Variants in ADGRG4 observed in about 807,000 individuals in gnomAD.
ADGRG4 encodes the protein G protein-coupled receptor 112.
In ADGRG4, 122 loss-of-function variants were observed where a neutral mutation model predicts 126.2. The ratio of observed to expected loss-of-function variants is 0.97; its 90% CI spans 0.83 to 1.12. ADGRG4 has a LOEUF of 1.12. Among genes scored for constraint, ADGRG4 ranks in the 50% most tolerant of loss-of-function variants. The pLI is 0.00. For missense variants in ADGRG4, 2,481 were observed against 2,251.8 expected (o/e 1.10, Z -2.06); for synonymous variants, 943 against 838.7 (o/e 1.12, Z -2.15).
intron 23 of ADGRG4, among the ~76,000 whole-genome samples, chrX:136,408,126 G>C (rs1251760404): frequency 8.9e-6 from 1 of 112,076 alleles, no homozygotes; most frequent in Non-Finnish European, 1.9e-5. Flanking sequence ...AGGGGCAGGG[G>C]TGTTTTCAAA....
chrX:136,348,866 G>T lies in ADGRG4; in HGVS notation c.5160G>T (p.Gly1720=). ...CTACAACTTTGGGCATATTATCTGG[G>T]ATTACTAACAGGTCCCTATCTACTG... ...DEATTLGILS[G]ITNRSLSTVN... Residue 1720 remains glycine (G), a synonymous_variant, in exon 6 of 26, where the codon GGG becomes GGT. Coordinates refer to ENST00000394143, the MANE Select transcript of ADGRG4 (RefSeq NM_153834.4). 8.3e-7 allele frequency: 1 copy of T among 1,208,493 alleles called. No homozygotes were observed. Among genetic ancestry groups the T allele is most frequent in the African/African-American group, 1.7e-5 (1 of 57,384 alleles).
intron 13 of ADGRG4, among the ~76,000 whole-genome samples, chrX:136,368,244 A>G (rs901758384): frequency 1.7e-4 from 19 of 112,506 alleles, no homozygotes; most frequent in African/African-American, 6.1e-4. Flanking sequence ...AGATAATGTG[A>G]GTACTTTTAT....
intron 6 of ADGRG4, 142 bp from the exon 7 acceptor site, chrX:136,351,305 T>C (rs2075061283): frequency 6.2e-6 from 2 of 321,442 alleles, no homozygotes; most frequent in Non-Finnish European, 1.1e-5. Context: ...TTCTTGACCT[T>C]GGAGTTAAAT....
chrX:136,311,968 A>G (rs1488443816), intron 4 of ADGRG4, among the ~76,000 whole-genome samples: 1 of 111,257 alleles, frequency 9.0e-6, no homozygotes, highest in Non-Finnish European at 1.9e-5. Context: ...AAGTGCTGGG[A>G]TTACAGGCAT....
At chrX:136,338,414 C>T (rs1277110953) in intron 5 of ADGRG4, among the ~76,000 whole-genome samples, 2 of 111,029 alleles carry the variant, frequency 1.8e-5, no homozygotes, top group East Asian at 5.6e-4. Flanking sequence ...TCCCAAAGTG[C>T]TGGGATTACA....
At chrX:136,403,367 C>A (rs2075389549) in intron 22 of ADGRG4, 45 bp downstream of exon 22, 2 of 1,018,510 alleles carry the variant, frequency 2.0e-6, no homozygotes, top group Non-Finnish European at 2.8e-6. Flanking sequence ...GGCTCTGGCC[C>A]AGCAGGGTAT....
chrX:136,318,426 T>A (rs2074818856), intron 4 of ADGRG4, among the ~76,000 whole-genome samples: 1 of 111,927 alleles, frequency 8.9e-6, no homozygotes, highest in African/African-American at 3.2e-5. Flanking sequence ...GTTTCCTTTT[T>A]GGATGATGAA....
intron 17 of ADGRG4, 41 bp downstream of exon 17, chrX:136,392,395 G>A (rs775924506): frequency 9.2e-7 from 1 of 1,081,821 alleles, no homozygotes; most frequent in South Asian, 2.6e-5. Context: ...ATGGCCTCAG[G>A]AACTCTTCAC....
chrX:136,343,586 G>C (rs1157616493), intron 5 of ADGRG4, among the ~76,000 whole-genome samples: 1 of 111,375 alleles, frequency 9.0e-6, no homozygotes, highest in Admixed American at 9.5e-5. Flanking sequence ...GAAAACGCAG[G>C]AGTGTGATGT....
chrX:136,377,626 C>T (rs2075235686), intron 15 of ADGRG4, among the ~76,000 whole-genome samples: 1 of 111,885 alleles, frequency 8.9e-6, no homozygotes. Context: ...TCTTTAAAAG[C>T]TTTATGATTT....
At chrX:136,321,525 G>A (rs1569533538) in intron 4 of ADGRG4, among the ~76,000 whole-genome samples, 2 of 112,014 alleles carry the variant, frequency 1.8e-5, no homozygotes, top group African/African-American at 6.5e-5. Context: ...CTGTTTTAGA[G>A]TGGTGGTCCC....
At chrX:136,409,605 C>A (rs192279711) in intron 23 of ADGRG4, among the ~76,000 whole-genome samples, 2 of 111,564 alleles carry the variant, frequency 1.8e-5, no homozygotes, top group African/African-American at 6.5e-5. Flanking sequence ...TGAATTCATC[C>A]CCGCAGTTGT....
At chrX:136,351,021 A>G (rs2075059293) in intron 6 of ADGRG4, among the ~76,000 whole-genome samples, 2 of 111,710 alleles carry the variant, frequency 1.8e-5, no homozygotes, top group African/African-American at 6.5e-5. Flanking sequence ...GATAGGATAC[A>G]CAAGAGCAAA....
chrX:136,316,104 T>C (rs1280454015), intron 4 of ADGRG4, among the ~76,000 whole-genome samples: 1 of 111,845 alleles, frequency 8.9e-6, no homozygotes, highest in Non-Finnish European at 1.9e-5. Flanking sequence ...ACTGATGCTC[T>C]GGCAGGCTCA....
At chrX:136,342,160 G>A (rs976194349) in intron 5 of ADGRG4, among the ~76,000 whole-genome samples, 1 of 111,456 alleles carries the variant, frequency 9.0e-6, no homozygotes, top group Non-Finnish European at 1.9e-5. Context: ...ACTATTCTCC[G>A]AGTTGCCCAG....
At position 136,387,827 on chromosome X, in the gene ADGRG4, T is replaced by G. The variant is rs2075300269; in HGVS notation, c.7864T>G (p.Leu2622Val). 1.7e-6 allele frequency: 2 copies of G among 1,207,036 alleles called. No homozygotes were observed. Among genetic ancestry groups the G allele is most frequent in the African/African-American group, 1.7e-5 (1 of 57,164 alleles). Residue 2622 changes from leucine to valine, a missense_variant, in exon 16 of 26, where the codon TTA becomes GTA. By Grantham distance (32) the Leu-to-Val change is conservative (BLOSUM62 1). Transcript: ENST00000394143. ...GACGGAGAGAATTCCTCTTAGCAAC[T>G]TACAAACGATCTTGTTTAATTTCTT... Reference protein sequence around the residue: ...SLTERIPLSNLQTILFNFFGQ... With the variant: ...SLTERIPLSNVQTILFNFFGQ...
intron 13 of ADGRG4, among the ~76,000 whole-genome samples, chrX:136,364,910 TC>T (rs1208146028): frequency 8.9e-6 from 1 of 111,837 alleles, no homozygotes; most frequent in South Asian, 3.7e-4. Context: ...AAAGCATAAA[TC>T]CTTGAATGTA....
In ADGRG4 at chrX:136,347,831, T is replaced by C. The variant is rs1321894305; in HGVS notation, c.4125T>C (p.Phe1375=). 1 of 1,209,156 alleles carries C rather than the reference T, an allele frequency of 8.3e-7. No homozygotes were observed. The highest frequency in any genetic ancestry group is 3.0e-5 in the East Asian group (1 of 33,806). ...CACAAGCTCTGACAATCACCACTTT[T>C]TTGTGTCCTGAAAAGGAAAGCACGA... ...LPSQALTITT[F]LCPEKESTSA... Residue 1375 remains phenylalanine (F), a synonymous_variant, in exon 6 of 26, where the codon TTT becomes TTC. Transcript: ENST00000394143.
intron 21 of ADGRG4, among the ~76,000 whole-genome samples, chrX:136,402,948 C>A (rs2075386933): frequency 8.9e-6 from 1 of 111,846 alleles, no homozygotes; most frequent in South Asian, 3.7e-4. Flanking sequence ...ACTTGCATTC[C>A]ACTCAACTAG....
Sources: allele counts gnomAD v4.1 joint callset (sites outside exome capture counted in the v4.1 genomes callset), GRCh38; gene constraint gnomAD v4.1.1; transcripts MANE v1.5; gene names NCBI Gene and HGNC (gene_info 2026-07-23, HGNC 2026-07-21).